LEKR1: variants seen among roughly 807,000 people sequenced by gnomAD.
The protein encoded by LEKR1 is leucine, glutamate and lysine rich 1, also known as protein LEKR1.
Under a neutral mutation model 72.4 loss-of-function variants are expected in LEKR1, and 59 were observed. That is an observed-to-expected ratio of 0.82 (90% CI 0.66 to 1.01). LEKR1 has a LOEUF of 1.01. Ranked by LOEUF, LEKR1 falls within the 50% of genes least tolerant of loss-of-function variation. The probability of loss-of-function intolerance (pLI) is 0.00; values close to 1 mark genes in which losing one functional copy is unlikely to be tolerated. For synonymous variants in LEKR1, 257 were observed against 263.2 expected, an observed-to-expected ratio of 0.98 and a Z score of 0.23; for missense variants, 728 against 759.2, an observed-to-expected ratio of 0.96 and a Z score of 0.48.
At chr3:157,026,291 A>T (rs1734184901) in intron 11 of LEKR1, among the ~76,000 whole-genome samples, 1 of 152,016 alleles carries the variant, frequency 6.6e-6, no homozygotes, top group East Asian at 1.9e-4. Context: ...GTGGTTCAGG[A>T]TCCCATCAGC....
intron 3 of LEKR1, among the ~76,000 whole-genome samples, chr3:156,866,340 C>T (rs1315132824): frequency 6.6e-6 from 1 of 152,018 alleles, no homozygotes; most frequent in Admixed American, 6.6e-5. Flanking sequence ...GGAAATTTTG[C>T]ACCACCTCTT....
At chr3:157,040,941 A>T (rs1735300050) in intron 12 of LEKR1, among the ~76,000 whole-genome samples, 1 of 152,194 alleles carries the variant, frequency 6.6e-6, no homozygotes, top group Non-Finnish European at 1.5e-5. Flanking sequence ...TGTTTTTGAA[A>T]TTTAAAGCAA....
At chr3:156,938,491 C>G (rs543253609) in intron 5 of LEKR1, among the ~76,000 whole-genome samples, 1 of 152,152 alleles carries the variant, frequency 6.6e-6, no homozygotes, top group Non-Finnish European at 1.5e-5. Context: ...ATTCTCCTGC[C>G]TCAGCCTCCA....
At chr3:156,880,463 C>T (rs1290221984) in intron 3 of LEKR1, among the ~76,000 whole-genome samples, 2 of 152,196 alleles carry the variant, frequency 1.3e-5, no homozygotes, top group Non-Finnish European at 2.9e-5. Context: ...GAAGTTGAAT[C>T]TCTGAATAGA....
chr3:156,852,701 A>T (rs941600925), intron 2 of LEKR1, 67 bp from the exon 3 acceptor site: 1 of 747,810 alleles, frequency 1.3e-6, no homozygotes, highest in East Asian at 2.7e-5. Context: ...CATGGCTACA[A>T]TATCTTCAGT....
chr3:156,954,310 G>T (rs542689350), intron 6 of LEKR1, among the ~76,000 whole-genome samples: 1 of 151,810 alleles, frequency 6.6e-6, no homozygotes, highest in East Asian at 1.9e-4. Context: ...CCATTCTTTA[G>T]GTTGTCTGTT....
At chr3:156,955,189 T>A (rs1303525970) in intron 6 of LEKR1, among the ~76,000 whole-genome samples, 1 of 152,058 alleles carries the variant, frequency 6.6e-6, no homozygotes, top group African/African-American at 2.4e-5. Context: ...GGAATGTTTT[T>A]GCACATTTAT....
At chr3:157,040,249 A>G (rs1489226453) in intron 12 of LEKR1, among the ~76,000 whole-genome samples, 2 of 152,222 alleles carry the variant, frequency 1.3e-5, no homozygotes, top group African/African-American at 2.4e-5. Context: ...TGACTTAGAA[A>G]AGTAAATGTT....
At chr3:156,962,430 G>A (rs1298022105) in intron 6 of LEKR1, among the ~76,000 whole-genome samples, 1 of 152,218 alleles carries the variant, frequency 6.6e-6, no homozygotes, top group Non-Finnish European at 1.5e-5. Flanking sequence ...GTGTCCAAAA[G>A]TAGATGGACA....
chr3:156,939,721 A>G (rs547185560), intron 5 of LEKR1, among the ~76,000 whole-genome samples: 2 of 152,278 alleles, frequency 1.3e-5, no homozygotes, highest in East Asian at 3.9e-4. Context: ...TTTAAAATGA[A>G]GTTTTTATAG....
intron 12 of LEKR1, among the ~76,000 whole-genome samples, chr3:157,038,924 C>T (rs1735156315): frequency 1.3e-5 from 2 of 152,188 alleles, no homozygotes; most frequent in Non-Finnish European, 2.9e-5. Flanking sequence ...TTATCACTAA[C>T]TGTGATGAGC....
intron 10 of LEKR1, among the ~76,000 whole-genome samples, chr3:157,018,977 T>G (rs1433166255): frequency 1.3e-5 from 2 of 152,220 alleles, no homozygotes; most frequent in Non-Finnish European, 2.9e-5. Flanking sequence ...AACTGCAAAT[T>G]CTGTTTTGAA....
At position 157,007,819 on chromosome 3, in the gene LEKR1, G is replaced by A. The variant is rs187905645; in HGVS notation, c.1110-3594G>A. ...AAAATAAACTTTGATATTGTAAGCC[G>A]CTGAGAGCATATACATGTTAAACTT... On this transcript the variant is annotated intron_variant, in intron 9 of 12. Coordinates refer to ENST00000356539, the MANE Select transcript of LEKR1 (RefSeq NM_001004316.3). 4.3e-3 allele frequency among the ~76,000 whole-genome samples: 662 copies of A among 152,244 alleles called. 2 individuals are homozygous for A. Among genetic ancestry groups the A allele is most frequent in the African/African-American group, 0.015 (637 of 41,536 alleles).
At chr3:156,836,087 G>A (rs1713108077) in intron 2 of LEKR1, among the ~76,000 whole-genome samples, 2 of 151,738 alleles carry the variant, frequency 1.3e-5, no homozygotes, top group South Asian at 4.2e-4. Flanking sequence ...TTCAAGACTG[G>A]CCTTGAACTC....
intron 3 of LEKR1, among the ~76,000 whole-genome samples, chr3:156,918,764 AG>A (rs1304511413): frequency 6.6e-6 from 1 of 152,210 alleles, no homozygotes; most frequent in Non-Finnish European, 1.5e-5. Context: ...TAGGAGAAAC[AG>A]GAAAAAAACA....
intron 3 of LEKR1, among the ~76,000 whole-genome samples, chr3:156,856,467 G>A (rs573871016): frequency 2.0e-5 from 3 of 152,182 alleles, no homozygotes; most frequent in Non-Finnish European, 2.9e-5. Flanking sequence ...CAGCTTTTCC[G>A]ATTCCATAAA....
intron 6 of LEKR1, among the ~76,000 whole-genome samples, chr3:156,975,269 CA>C (rs1376150876): frequency 6.6e-6 from 1 of 151,874 alleles, no homozygotes; most frequent in Non-Finnish European, 1.5e-5. Flanking sequence ...ATTACCTATA[CA>C]ATAAAAAAGT....
intron 12 of LEKR1, 88 bp from the exon 13 acceptor site, chr3:157,045,252 C>A: frequency 9.1e-7 from 1 of 1,103,044 alleles, no homozygotes; most frequent in Non-Finnish European, 1.3e-6. Flanking sequence ...ATTTCCAGTT[C>A]TGTTCTCAAA....
chr3:156,839,559 G>A lies in LEKR1; in HGVS notation c.48+10182G>A, dbSNP rs187624935. The stretch of plus-strand genomic sequence containing the variant: ...TGGATATGGCAAAAAAGGTCAGAGG[G>A]TGAAGGGTTTCAAGATACTAATCTT... On this transcript the variant is annotated intron_variant, in intron 2 of 12. Transcript: ENST00000356539. 3.7e-3 allele frequency among the ~76,000 whole-genome samples: 566 copies of A among 152,332 alleles called. 7 individuals carry two copies. Among genetic ancestry groups the A allele is most frequent in the Non-Finnish European group, 2.0e-3 (137 of 68,038 alleles).
Sources: gnomAD v4.1 joint callset for allele counts (sites outside exome capture counted in the v4.1 genomes callset) on GRCh38, gnomAD v4.1.1 for gene constraint, MANE v1.5 for transcripts, NCBI Gene and HGNC (gene_info 2026-07-23, HGNC 2026-07-21) for gene names.